MACF1: variants seen among roughly 807,000 people sequenced by gnomAD.
MACF1 encodes the protein microtubule actin crosslinking factor 1.
MACF1 carries 193 observed loss-of-function variants against 854.8 expected under a neutral mutation model. That is an observed-to-expected ratio of 0.23 (90% CI 0.20 to 0.25). The LOEUF is 0.25. Ranked by LOEUF, MACF1 falls within the 10% of genes least tolerant of loss-of-function variation. MACF1 has a pLI of 1.00. For synonymous variants in MACF1, 3,185 were observed against 3,226.7 expected (o/e 0.99, Z 0.44); for missense variants, 7,722 against 8,929.1 (o/e 0.86, Z 5.45).
At position 39,317,364 on chromosome 1, in the gene MACF1, C is replaced by G. The variant is rs1201428075; in HGVS notation, c.3739C>G (p.Leu1247Val). ...LERYQEKGSQ[L>V]QERWHRVIAQ... The stretch of plus-strand genomic sequence containing the variant: ...GCGCTATCAGGAAAAAGGCTCCCAG[C>G]TGCAGGAGCGTTGGCACCGAGTCAT... The change falls in exon 29 of 101, where the codon CTG (leucine) becomes GTG (valine). Residue 1247 changes from leucine (L) to valine (V), a missense_variant. Coordinates refer to ENST00000564288, the MANE Select transcript of MACF1 (RefSeq NM_001394062.1). The G allele has an allele frequency of 1.2e-6, 2 of 1,613,372 alleles. No individual in the cohort carries two copies. The highest frequency in any genetic ancestry group is 2.7e-5 in the African/African-American group (2 of 74,920).
At chr1:39,301,438 T>G (rs1646038775) in intron 22 of MACF1, among the ~76,000 whole-genome samples, 1 of 150,536 alleles carries the variant, frequency 6.6e-6, no homozygotes, top group Non-Finnish European at 1.5e-5. Flanking sequence ...TTTTATTTTA[T>G]TTTTTGAGAC....
rs1649980828 is a variant in MACF1 at position 39,379,199 on chromosome 1, C to T, written c.13277-4C>T. 19 of 1,584,858 alleles carry T rather than the reference C, an allele frequency of 1.2e-5. No homozygotes were observed. Among genetic ancestry groups the T allele is most frequent in the Admixed American group, 1.8e-5 (1 of 56,014 alleles). The stretch of plus-strand genomic sequence containing the variant: ...CAATCTGATTTCTGTTTCTATGATA[C>T]TAGATCTGACGGAGATCCAGTGTGA... On this transcript the variant is annotated splice_polypyrimidine_tract_variant and splice_region_variant and intron_variant, in intron 53 of 100. Transcript: ENST00000564288.
In MACF1 at chr1:39,269,466, C is replaced by T. The variant is rs554728640; in HGVS notation, c.528+11438C>T. 199 of 1,289,804 alleles carry T rather than the reference C, an allele frequency of 1.5e-4. 1 individual carries two copies. The highest frequency in any genetic ancestry group is 1.9e-4 in the Non-Finnish European group (184 of 988,880). The allele number at this position is 1,289,804 out of a possible 1,614,324, so 79.9% of individuals were successfully genotyped here. ...ACTGGACCAGCCTGGAGGCCAAAGA[C>T]GCACGGAGCCTTCCCATGTGGGTCA... is the stretch of plus-strand genomic sequence containing the variant. On this transcript the variant is annotated intron_variant, in intron 6 of 100. Transcript: ENST00000564288.
intron 77 of MACF1, 40 bp from the exon 78 acceptor site, chr1:39,442,674 A>G: frequency 1.2e-6 from 2 of 1,611,134 alleles, no homozygotes; most frequent in Non-Finnish European, 1.7e-6. Context: ...AAGTTAGATG[A>G]TATCCATAGA....
chr1:39,363,673 G>A (rs934592307), intron 49 of MACF1, among the ~76,000 whole-genome samples: 3 of 150,264 alleles, frequency 2.0e-5, no homozygotes, highest in Non-Finnish European at 3.0e-5. Context: ...GCAGTGGCAC[G>A]ATCTTGGCTC....
chr1:39,293,326 A>C, intron 17 of MACF1, 132 bp from the exon 18 acceptor site: 3 of 852,394 alleles, frequency 3.5e-6, no homozygotes, highest in Non-Finnish European at 5.4e-6. Flanking sequence ...CAAAACTTGA[A>C]TCCATGGGGA....
At position 39,332,146 on chromosome 1, in the gene MACF1, G is replaced by A. The variant is rs779183509; in HGVS notation, c.5558G>A (p.Trp1853Ter). ...CTCTGGTCATTCATGGGGTTGCTGTGGCCTGAATCTGGAGAGATCCTCCCA... is the reference window on the plus strand; with the variant it reads ...CTCTGGTCATTCATGGGGTTGCTGTAGCCTGAATCTGGAGAGATCCTCCCA... ...ESLWSFMGLL[W>*]PESGEILPIT... Residue 1853 changes from tryptophan (W) to a stop codon, truncating the protein, a stop_gained, in exon 37 of 101, where the codon TGG (tryptophan) becomes TAG (stop). Transcript: ENST00000564288. LOFTEE classifies it high-confidence loss of function. 2 of 1,613,876 alleles carry A rather than the reference G, an allele frequency of 1.2e-6. No homozygotes were observed. Among genetic ancestry groups the A allele is most frequent in the African/African-American group, 2.7e-5 (2 of 74,864 alleles).
At chr1:39,330,175 A>G (rs1646693166) in intron 36 of MACF1, among the ~76,000 whole-genome samples, 1 of 152,176 alleles carries the variant, frequency 6.6e-6, no homozygotes, top group South Asian at 2.1e-4. Context: ...AAGAAAAGTT[A>G]CTAGTGGTTC....
chr1:39,410,475 A>G (rs755655460), intron 58 of MACF1: 9 of 1,614,068 alleles, frequency 5.6e-6, no homozygotes, highest in South Asian at 1.1e-5. Context: ...GAAGTACTAT[A>G]TCCAGCAATG....
chr1:39,236,380 T>C (rs1644859599), intron 2 of MACF1, among the ~76,000 whole-genome samples: 1 of 152,232 alleles, frequency 6.6e-6, no homozygotes, highest in African/African-American at 2.4e-5. Context: ...TTCTGCTCCC[T>C]GTGCTTGGAA....
intron 69 of MACF1, among the ~76,000 whole-genome samples, chr1:39,435,077 A>G (rs967707995): frequency 5.3e-5 from 8 of 152,210 alleles, no homozygotes; most frequent in East Asian, 1.9e-4. Context: ...GCTTATTGCT[A>G]TTCTTATAAG....
chr1:39,458,534 A>G (rs767265147), intron 90 of MACF1, 44 bp downstream of exon 90: 2 of 1,568,722 alleles, frequency 1.3e-6, no homozygotes, highest in East Asian at 4.5e-5. Context: ...ATTCCTGCTA[A>G]TTGAGGATGA....
At chr1:39,088,727 C>T (rs1220127393) in intron 2 of MACF1, among the ~76,000 whole-genome samples, 1 of 152,180 alleles carries the variant, frequency 6.6e-6, no homozygotes, top group African/African-American at 2.4e-5. Flanking sequence ...AATGATGTAT[C>T]CCTTGGGACC....
intron 17 of MACF1, 51 bp downstream of exon 17, chr1:39,292,894 C>A (rs772003219): frequency 3.5e-6 from 5 of 1,422,090 alleles, no homozygotes; most frequent in Non-Finnish European, 3.9e-6. Context: ...CTGGTTCCCC[C>A]CAATCAACTC....
chr1:39,358,752 A>G lies in MACF1; in HGVS notation c.11999A>G (p.Gln4000Arg), dbSNP rs747121256. ...CTGTTAGGCCAGTATCATCAATTCCAAAACAGTGCTGACAGCCTGCAGGCC... is the reference window on the plus strand; with the variant it reads ...CTGTTAGGCCAGTATCATCAATTCCGAAACAGTGCTGACAGCCTGCAGGCC... ...NMLLGQYHQF[Q>R]NSADSLQAWM... Residue 4000 changes from glutamine (Q) to arginine (R), a missense_variant, in exon 46 of 101, where the codon CAA becomes CGA. This residue lies in a region of MACF1 where 2,807 missense variants were observed against 3,235.8 expected (regional missense o/e 0.87). Coordinates refer to ENST00000564288, the MANE Select transcript of MACF1 (RefSeq NM_001394062.1). 2 of 1,614,026 alleles carry G rather than the reference A, an allele frequency of 1.2e-6. No homozygotes were observed. Among genetic ancestry groups the G allele is most frequent in the African/African-American group, 2.7e-5 (2 of 74,916 alleles).
At chr1:39,256,923 A>G (rs1029046332) in intron 5 of MACF1, among the ~76,000 whole-genome samples, 2 of 151,880 alleles carry the variant, frequency 1.3e-5, no homozygotes, top group Non-Finnish European at 2.9e-5. Flanking sequence ...GAAGAAAGAA[A>G]TCTTGGCCCT....
intron 15 of MACF1, among the ~76,000 whole-genome samples, 170 bp from the exon 16 acceptor site, chr1:39,291,740 G>A (rs988358272): frequency 2.6e-5 from 4 of 152,184 alleles, no homozygotes; most frequent in Non-Finnish European, 5.9e-5. Context: ...GCTTCTTAGC[G>A]GTGATGATGG....
At chr1:39,225,163 A>G (rs1644699789) in intron 1 of MACF1, among the ~76,000 whole-genome samples, 1 of 152,102 alleles carries the variant, frequency 6.6e-6, no homozygotes, top group Non-Finnish European at 1.5e-5. Context: ...CAGCCTGGGA[A>G]ACAGAATGAG....
intron 2 of MACF1, among the ~76,000 whole-genome samples, chr1:39,177,295 T>C (rs1351156213): frequency 1.3e-5 from 2 of 152,190 alleles, no homozygotes; most frequent in Non-Finnish European, 2.9e-5. Context: ...GCTAATTTTG[T>C]ATTTTTAGTA....
Sources: gnomAD v4.1 joint callset for allele counts (sites outside exome capture counted in the v4.1 genomes callset) on GRCh38, gnomAD v4.1.1 for gene constraint, gnomAD v4.1.1 regional missense constraint, MANE v1.5 for transcripts, NCBI Gene and HGNC (gene_info 2026-07-23, HGNC 2026-07-21) for gene names.